Variants in RGSL1 observed in about 807,000 individuals in gnomAD.
RGSL1 encodes the protein regulator of G protein signaling like 1.
In RGSL1, 97 loss-of-function variants were observed where a neutral mutation model predicts 124.7. That is an observed-to-expected ratio of 0.78 (90% CI 0.66 to 0.92). The LOEUF is 0.92. RGSL1 is among the 40% of genes least tolerant of loss of function. The pLI is 0.00. For missense variants in RGSL1, 1,233 were observed against 1,288.4 expected (o/e 0.96, Z 0.66); for synonymous variants, 424 against 438.1 (o/e 0.97, Z 0.40).
In RGSL1 at chr1:182,522,111, T is replaced by C; in HGVS notation, c.1931+2T>C. ...AAGGAAGCCATCAATGAGACCCAGGTGAGATATAGAATCTGTTTACAGCAA... is the reference window on the plus strand; with the variant it reads ...AAGGAAGCCATCAATGAGACCCAGGCGAGATATAGAATCTGTTTACAGCAA... On this transcript the variant is annotated splice_donor_variant, in intron 10 of 21. Coordinates refer to ENST00000294854, the MANE Select transcript of RGSL1 (RefSeq NM_001137669.2). LOFTEE classifies it high-confidence loss of function. 1 of 1,541,176 alleles carries C rather than the reference T, an allele frequency of 6.5e-7. No individual in the cohort carries two copies.
intron 17 of RGSL1, 179 bp from the exon 18 acceptor site, chr1:182,550,921 G>C: frequency 1.7e-6 from 1 of 594,950 alleles, no homozygotes; most frequent in Non-Finnish European, 3.0e-6. Context: ...TGGACAAAGA[G>C]GAGGCCTCAG....
intron 14 of RGSL1, among the ~76,000 whole-genome samples, chr1:182,534,778 G>C (rs940003164): frequency 4.0e-5 from 6 of 151,480 alleles, no homozygotes; most frequent in African/African-American, 1.5e-4. Flanking sequence ...AGTGATCCGA[G>C]ATTGCACCAC....
intron 10 of RGSL1, among the ~76,000 whole-genome samples, chr1:182,524,292 TA>T (rs1658577605): frequency 5.8e-4 from 2 of 3,462 alleles, no homozygotes; most frequent in Non-Finnish European, 2.2e-3. Context: ...GAAATGAGAG[TA>T]TATAAGGAGT....
chr1:182,461,623 G>C (rs995998505), intron 4 of RGSL1, among the ~76,000 whole-genome samples: 6 of 151,580 alleles, frequency 4.0e-5, no homozygotes, highest in African/African-American at 1.2e-4. Flanking sequence ...AGTCAAGAAA[G>C]TGATAAATGA....
At position 182,489,171 on chromosome 1, in the gene RGSL1, G is replaced by A. The variant is rs192609896; in HGVS notation, c.1686G>A (p.Gln562=). 450 of 1,551,730 alleles carry A rather than the reference G, an allele frequency of 2.9e-4. 2 individuals are homozygous for A. In the African/African-American group the frequency reaches 5.6e-3, roughly 19 times the overall value. The change falls in exon 8 of 22, where the codon CAG becomes CAA. Residue 562 remains glutamine (Q), a synonymous_variant. Coordinates refer to ENST00000294854, the MANE Select transcript of RGSL1 (RefSeq NM_001137669.2). ...TEDLKQGGSL[Q]VELTSPVFLT... ...ACCTGAAGCAAGGAGGCTCTCTCCA[G>A]GTAGAGCTGACATCTCCAGTGTTTC... is the stretch of plus-strand genomic sequence containing the variant.
chr1:182,532,503 C>G (rs148705379), intron 13 of RGSL1, among the ~76,000 whole-genome samples, 159 bp from the exon 14 acceptor site: 193 of 152,198 alleles, frequency 1.3e-3, no homozygotes, highest in Non-Finnish European at 2.2e-3. Flanking sequence ...AGCTCTCTAA[C>G]CTGAGTTTCC....
chr1:182,458,079 T>C (rs1392823754), intron 2 of RGSL1, among the ~76,000 whole-genome samples: 1 of 152,222 alleles, frequency 6.6e-6, no homozygotes, highest in South Asian at 2.1e-4. Flanking sequence ...ACAGGAAAGA[T>C]AGCTCCCAGG....
At chr1:182,450,017 C>T (rs1197498308), upstream of RGSL1, 2 of 851,608 alleles carry the variant, frequency 2.3e-6, no homozygotes, top group Non-Finnish European at 3.8e-6. Context: ...CAGATTAAGG[C>T]CTACACCAGA....
chr1:182,499,286 C>T (rs1208981053), intron 9 of RGSL1, among the ~76,000 whole-genome samples: 1 of 152,146 alleles, frequency 6.6e-6, no homozygotes, highest in Non-Finnish European at 1.5e-5. Flanking sequence ...AAGTCTCCCA[C>T]TGTTATTGTG....
At position 182,489,221 on chromosome 1, in the gene RGSL1, A is replaced by AT. The variant is rs1220095914; in HGVS notation, c.1717+26dup. 4.6e-5 allele frequency: 71 copies of AT among 1,542,622 alleles called. No homozygotes were observed. Among genetic ancestry groups the AT allele is most frequent in the Non-Finnish European group, 6.1e-5 (70 of 1,141,888 alleles). On this transcript the variant is annotated intron_variant, in intron 8 of 21. Transcript: ENST00000294854. ...CTAACAGGTCAGAGCAGTCACTGTA[A>AT]TTTTTTTGACCTTTACATATGGGCA...
Position 182,553,554 on chromosome 1 carries a change from T to A in RGSL1, c.3130+13T>A. 6.4e-7 allele frequency: 1 copy of A among 1,550,528 alleles called. No individual in the cohort carries two copies. The highest frequency in any genetic ancestry group is 8.7e-7 in the Non-Finnish European group (1 of 1,145,920). ...TCAGTTCAAAATTGTGAGTTGGAAT[T>A]GGATCCCCACTGATAGTTTGCTACT... On this transcript the variant is annotated intron_variant, in intron 19 of 21. Transcript: ENST00000294854.
intron 21 of RGSL1, among the ~76,000 whole-genome samples, chr1:182,556,656 G>T (rs759936507): frequency 1.3e-5 from 2 of 152,158 alleles, no homozygotes; most frequent in Non-Finnish European, 2.9e-5. Flanking sequence ...TCCTGTTCTT[G>T]TTCTATGCCA....
At chr1:182,492,955 G>A (rs1205246473) in intron 8 of RGSL1, 67 bp from the exon 9 acceptor site, 1 of 1,088,228 alleles carries the variant, frequency 9.2e-7, no homozygotes, top group Non-Finnish European at 1.4e-6. Flanking sequence ...TTCAACAAAA[G>A]TATATGAATC....
intron 6 of RGSL1, among the ~76,000 whole-genome samples, chr1:182,484,655 C>A (rs1654962397): frequency 6.6e-6 from 1 of 152,200 alleles, no homozygotes; most frequent in Admixed American, 6.5e-5. Flanking sequence ...TGTGCCATTT[C>A]AGTTCAGGCC....
chr1:182,519,599 G>T (rs747671483), intron 9 of RGSL1, among the ~76,000 whole-genome samples: 4 of 151,692 alleles, frequency 2.6e-5, no homozygotes, highest in African/African-American at 9.7e-5. Context: ...CAGAACTTCC[G>T]GACTAGATAT....
intron 9 of RGSL1, among the ~76,000 whole-genome samples, chr1:182,497,664 T>G (rs929558283): frequency 6.6e-6 from 1 of 152,162 alleles, no homozygotes; most frequent in Non-Finnish European, 1.5e-5. Context: ...TCAGACCAAA[T>G]TCAATATTTA....
intron 17 of RGSL1, chr1:182,550,879 T>C: frequency 1.9e-6 from 1 of 527,148 alleles, no homozygotes; most frequent in Non-Finnish European, 3.3e-6. Context: ...CCCAACAAAC[T>C]GCCCATGCCA....
intron 15 of RGSL1, among the ~76,000 whole-genome samples, chr1:182,548,111 T>C (rs1660331596): frequency 6.6e-6 from 1 of 152,286 alleles, no homozygotes; most frequent in African/African-American, 2.4e-5. Flanking sequence ...GACATTCACT[T>C]GAAGGGGCAC....
chr1:182,468,799 C>T (rs909127079), intron 4 of RGSL1, among the ~76,000 whole-genome samples: 1 of 151,660 alleles, frequency 6.6e-6, no homozygotes, highest in African/African-American at 2.4e-5. Context: ...AAATAAAAAA[C>T]AGTGTGGTGG....
Sources: gnomAD v4.1 joint callset for allele counts (sites outside exome capture counted in the v4.1 genomes callset) on GRCh38, gnomAD v4.1.1 for gene constraint, MANE v1.5 for transcripts, NCBI Gene and HGNC (gene_info 2026-07-23, HGNC 2026-07-21) for gene names.